Variants in ATE1 observed in about 807,000 individuals in gnomAD.
ATE1 encodes the protein arginyltransferase 1.
Under a neutral mutation model 70.5 loss-of-function variants are expected in ATE1, and 36 were observed. The observed-to-expected ratio is 0.51, with a 90% CI of 0.39 to 0.67. The LOEUF is 0.67. Among genes scored for constraint, ATE1 ranks in the 30% least tolerant of loss-of-function variants. The pLI, the probability that ATE1 is intolerant of heterozygous loss-of-function variation, is 0.00. For missense variants in ATE1, 593 were observed against 629.5 expected, an observed-to-expected ratio of 0.94 and a Z score of 0.62; for synonymous variants, 232 against 219.3, an observed-to-expected ratio of 1.06 and a Z score of -0.51.
chr10:121,883,540 A>G (rs1950288927), intron 7 of ATE1, among the ~76,000 whole-genome samples: 2 of 152,260 alleles, frequency 1.3e-5, no homozygotes, highest in African/African-American at 4.8e-5. Flanking sequence ...CGACAAGAGC[A>G]GAAGAATATT....
intron 8 of ATE1, among the ~76,000 whole-genome samples, chr10:121,860,322 C>T (rs1793800180): frequency 6.6e-6 from 1 of 152,212 alleles, no homozygotes; most frequent in Non-Finnish European, 1.5e-5. Flanking sequence ...AGTTTAGTGT[C>T]TGTCTTGCTG....
chr10:121,740,722 T>G lies in ATE1; in HGVS notation c.*2958A>C, dbSNP rs1444142477. 1 of 152,204 alleles carries G rather than the reference T, an allele frequency of 6.6e-6. No individual in the cohort carries two copies. 9.4% of individuals were successfully genotyped at this position (152,204 alleles called of 1,614,324 possible). On this transcript the variant is annotated 3_prime_UTR_variant, in exon 12 of 12. Coordinates refer to ENST00000224652, the MANE Select transcript of ATE1 (RefSeq NM_001001976.3). ...CCTATAAAATCAAAGCATATACTGT[T>G]CAGAAATCTGGAAAGGTTCTTTTAC...
intron 1 of ATE1, among the ~76,000 whole-genome samples, chr10:121,926,270 T>G (rs1257469000): frequency 6.6e-6 from 1 of 152,160 alleles, no homozygotes; most frequent in East Asian, 1.9e-4. Flanking sequence ...ACATCAGAGA[T>G]ATGACAGGCT....
In ATE1 at chr10:121,743,582, T is replaced by C. The variant is rs2135632920; in HGVS notation, c.*98A>G. The C allele has an allele frequency of 7.2e-7, 1 of 1,397,218 alleles. No homozygotes were observed. The highest frequency in any genetic ancestry group is 9.3e-7 in the Non-Finnish European group (1 of 1,078,190). The allele number at this position is 1,397,218 out of a possible 1,614,324, so 86.6% of individuals were successfully genotyped here. ...ATAGTCAAAATAAAAAATGTCTAAT[T>C]TGTGGGTGGTGACAGTTATTTCCCC... On this transcript the variant is annotated 3_prime_UTR_variant, in exon 12 of 12. Transcript: ENST00000224652.
intron 11 of ATE1, among the ~76,000 whole-genome samples, chr10:121,744,884 A>C (rs1944287502): frequency 6.6e-6 from 1 of 152,176 alleles, no homozygotes. Flanking sequence ...CATCTTTTCC[A>C]AAGGATAGCT....
chr10:121,855,098 G>T (rs563955749), intron 8 of ATE1, among the ~76,000 whole-genome samples: 4 of 152,258 alleles, frequency 2.6e-5, no homozygotes, highest in South Asian at 4.2e-4. Context: ...AGATGAGGGG[G>T]CATTCTTATA....
At chr10:121,789,245 C>G (rs1946333247) in intron 11 of ATE1, among the ~76,000 whole-genome samples, 1 of 149,630 alleles carries the variant, frequency 6.7e-6, no homozygotes, top group Non-Finnish European at 1.5e-5. Flanking sequence ...AGTTTACCAG[C>G]TGATCATGAA....
chr10:121,803,452 G>A (rs764755466), intron 10 of ATE1, among the ~76,000 whole-genome samples: 6 of 152,160 alleles, frequency 3.9e-5, no homozygotes, highest in Non-Finnish European at 7.3e-5. Flanking sequence ...TTCTTTTTCT[G>A]TTAAAATTCC....
chr10:121,792,727 C>G (rs184788656), intron 10 of ATE1, among the ~76,000 whole-genome samples: 2 of 152,154 alleles, frequency 1.3e-5, no homozygotes, highest in Admixed American at 6.5e-5. Flanking sequence ...AACTAGACAG[C>G]ATCCTAAAGC....
At chr10:121,826,026 G>T (rs1368627425) in intron 10 of ATE1, among the ~76,000 whole-genome samples, 3 of 152,234 alleles carry the variant, frequency 2.0e-5, no homozygotes, top group African/African-American at 7.2e-5. Context: ...CAACATGAAT[G>T]AATCTTGAGG....
At chr10:121,754,866 A>AC (rs1944729523) in intron 11 of ATE1, among the ~76,000 whole-genome samples, 1 of 152,212 alleles carries the variant, frequency 6.6e-6, no homozygotes, top group East Asian at 1.9e-4. Context: ...TTAACACTGT[A>AC]TACCTCCTGA....
intron 1 of ATE1, 47 bp from the exon 2 acceptor site, chr10:121,924,376 CT>C: frequency 1.3e-6 from 2 of 1,564,678 alleles, no homozygotes; most frequent in Non-Finnish European, 1.8e-6. Context: ...AACCTTTTTT[CT>C]TTTTTAAATT....
At chr10:121,895,954 C>A (rs1302177024) in intron 7 of ATE1, among the ~76,000 whole-genome samples, 1 of 151,838 alleles carries the variant, frequency 6.6e-6, no homozygotes, top group East Asian at 1.9e-4. Flanking sequence ...ATGTACTAAG[C>A]ATTAAATAAT....
At chr10:121,863,604 G>GT (rs1043627456) in intron 8 of ATE1, among the ~76,000 whole-genome samples, 34 of 150,792 alleles carry the variant, frequency 2.3e-4, no homozygotes, top group South Asian at 4.2e-4. Flanking sequence ...AAATTCTTAA[G>GT]TTTTTTTTTC....
chr10:121,900,127 T>A, intron 6 of ATE1, 133 bp from the exon 7 acceptor site: 2 of 980,874 alleles, frequency 2.0e-6, no homozygotes, highest in Non-Finnish European at 2.9e-6. Context: ...ATTTTAATAT[T>A]AAAAACCAAC....
At chr10:121,776,954 T>C (rs1029506771) in intron 11 of ATE1, among the ~76,000 whole-genome samples, 2 of 152,186 alleles carry the variant, frequency 1.3e-5, no homozygotes, top group Non-Finnish European at 2.9e-5. Flanking sequence ...GGAAAACAGG[T>C]GGGTACACAC....
chr10:121,882,340 C>T (rs924212039), intron 7 of ATE1, among the ~76,000 whole-genome samples: 1 of 152,102 alleles, frequency 6.6e-6, no homozygotes, highest in East Asian at 1.9e-4. Flanking sequence ...GACTGGGTAA[C>T]CAGAAGGATC....
intron 10 of ATE1, among the ~76,000 whole-genome samples, chr10:121,832,386 G>C (rs183197785): frequency 6.6e-6 from 1 of 152,142 alleles, no homozygotes; most frequent in African/African-American, 2.4e-5. Flanking sequence ...GGTTCCCTAC[G>C]TTGTAGCACT....
chr10:121,902,928 T>C (rs1012167494), intron 5 of ATE1, among the ~76,000 whole-genome samples: 4 of 152,064 alleles, frequency 2.6e-5, no homozygotes, highest in South Asian at 4.1e-4. Context: ...TGCAATGGCA[T>C]GATCTCAGCT....
Sources: gnomAD v4.1 joint callset for allele counts (sites outside exome capture counted in the v4.1 genomes callset) on GRCh38, gnomAD v4.1.1 for gene constraint, MANE v1.5 for transcripts, NCBI Gene and HGNC (gene_info 2026-07-23, HGNC 2026-07-21) for gene names.